Variants in AGAP1 observed in about 807,000 individuals in gnomAD.
AGAP1 encodes the protein arf-GAP with GTPase, ANK repeat and PH domain-containing protein 1.
AGAP1 carries 29 observed loss-of-function variants against 105.3 expected under a neutral mutation model. That is an observed-to-expected ratio of 0.28 (90% CI 0.21 to 0.38). AGAP1 has a LOEUF of 0.38. AGAP1 is among the 10% of genes least tolerant of loss of function. The pLI is 1.00. For missense variants in AGAP1, 998 were observed against 1,165.1 expected (o/e 0.86, Z 2.09); for synonymous variants, 509 against 485.9 (o/e 1.05, Z -0.63).
intron 9 of AGAP1, among the ~76,000 whole-genome samples, chr2:235,833,859 T>TG (rs1959776132): frequency 6.6e-6 from 1 of 151,308 alleles, no homozygotes; most frequent in African/African-American, 2.4e-5. Context: ...AATCTGGTTT[T>TG]TTTTTTTTTT....
chr2:235,868,503 C>T (rs754083099), intron 9 of AGAP1, among the ~76,000 whole-genome samples: 1 of 152,156 alleles, frequency 6.6e-6, no homozygotes, highest in Non-Finnish European at 1.5e-5. Context: ...GACTGTTGCT[C>T]CATCACCCCG....
rs939599425 is a variant in AGAP1, at chr2:235,729,958, T to C, written c.311-11005T>C. Reference sequence around the variant, plus strand: ...TTACACAGGCAGTTCGCCAGCCCCCTACCCTACAGTATGGAAAAAAGGCAT... The same window carrying C: ...TTACACAGGCAGTTCGCCAGCCCCCCACCCTACAGTATGGAAAAAAGGCAT... On this transcript the variant is annotated intron_variant, in intron 3 of 17. Transcript: ENST00000304032. The surrounding 1 kb of genome is among the most constrained non-coding windows in gnomAD (Gnocchi z 5.0). Among the ~76,000 whole-genome samples the C allele has an allele frequency of 2.0e-5, 3 of 152,056 alleles. No homozygotes were observed. The highest frequency in any genetic ancestry group is 7.3e-5 in the African/African-American group (3 of 41,372).
intron 13 of AGAP1, among the ~76,000 whole-genome samples, chr2:235,996,415 C>T (rs1417471374): frequency 6.6e-6 from 1 of 152,218 alleles, no homozygotes; most frequent in African/African-American, 2.4e-5. Flanking sequence ...TTAAGTTGTG[C>T]TGTAGTTAAG....
At position 235,992,145 on chromosome 2, in the gene AGAP1, G is replaced by A. The variant is rs983555648; in HGVS notation, c.1645+23522G>A. On this transcript the variant is annotated intron_variant, in intron 13 of 17. Coordinates refer to ENST00000304032, the MANE Select transcript of AGAP1 (RefSeq NM_001037131.3). This position sits in a 1 kb window ranked among gnomAD's most constrained non-coding sequence, Gnocchi z 4.8. ...TAACAGGAGTGGTTAGAAGCGCAGC[G>A]GAGGAGCCTGTCTTCCTGGGTCCGA... Among the ~76,000 whole-genome samples, 5 of 152,156 alleles carry A rather than the reference G, an allele frequency of 3.3e-5. No individual in the cohort carries two copies. The highest frequency in any genetic ancestry group is 7.2e-5 in the African/African-American group (3 of 41,432).
At chr2:235,944,704 C>A (rs961959194) in intron 12 of AGAP1, among the ~76,000 whole-genome samples, 42 of 152,150 alleles carry the variant, frequency 2.8e-4, no homozygotes, top group Admixed American at 2.7e-3. Context: ...TTTGCCAGAG[C>A]CTTTATGGGG....
rs1351594085 is a variant in AGAP1 at position 235,596,611 on chromosome 2, T to C, written c.163+101762T>C. On this transcript the variant is annotated intron_variant, in intron 1 of 17. Coordinates refer to ENST00000304032, the MANE Select transcript of AGAP1 (RefSeq NM_001037131.3). The surrounding 1 kb of genome is among the most constrained non-coding windows in gnomAD (Gnocchi z 5.9). ...CCTGGTTGCAGGTGCTGTGTCATCG[T>C]ATGGCTGTATTTGAGGGGATTGTGT... Among the ~76,000 whole-genome samples, 2 of 152,204 alleles carry C rather than the reference T, an allele frequency of 1.3e-5. No homozygotes were observed. Among genetic ancestry groups the C allele is most frequent in the African/African-American group, 4.8e-5 (2 of 41,454 alleles).
At position 236,000,920 on chromosome 2, in the gene AGAP1, G is replaced by A. The variant is rs913917807; in HGVS notation, c.1645+32297G>A. Among the ~76,000 whole-genome samples the A allele has an allele frequency of 2.0e-5, 3 of 152,184 alleles. No individual in the cohort carries two copies. The highest frequency in any genetic ancestry group is 1.9e-4 in the East Asian group (1 of 5,174). On this transcript the variant is annotated intron_variant, in intron 13 of 17. Transcript: ENST00000304032. The surrounding 1 kb of genome is among the most constrained non-coding windows in gnomAD (Gnocchi z 4.3). ...GCCAAGCGAGGGAGGCAGATGCCGCGTGGCGTGAGGAGGGTGAGAGTCCAT... is the reference window on the plus strand; with the variant it reads ...GCCAAGCGAGGGAGGCAGATGCCGCATGGCGTGAGGAGGGTGAGAGTCCAT...
At chr2:235,969,474 G>A (rs1192518686) in intron 13 of AGAP1, among the ~76,000 whole-genome samples, 1 of 152,188 alleles carries the variant, frequency 6.6e-6, no homozygotes, top group African/African-American at 2.4e-5. Context: ...TTACCTGTGA[G>A]ACCGACATGG....
chr2:236,013,024 G>A (rs900193485), intron 13 of AGAP1, among the ~76,000 whole-genome samples: 20 of 152,278 alleles, frequency 1.3e-4, no homozygotes, highest in African/African-American at 4.8e-4. Flanking sequence ...TGGGATTACA[G>A]ACGTGAGGAC....
intron 3 of AGAP1, among the ~76,000 whole-genome samples, chr2:235,731,602 A>T (rs1951950341): frequency 6.6e-6 from 1 of 152,158 alleles, no homozygotes; most frequent in Admixed American, 6.5e-5. Context: ...CTGTTCATTG[A>T]ATTAGCGTTT....
chr2:235,505,774 G>A (rs916583658), intron 1 of AGAP1: 3 of 152,068 alleles, frequency 2.0e-5, no homozygotes, highest in African/African-American at 7.2e-5. Flanking sequence ...ATCCAGAACA[G>A]AGTCACTTCA....
intron 1 of AGAP1, among the ~76,000 whole-genome samples, chr2:235,634,191 A>T (rs1946919273): frequency 6.6e-6 from 1 of 152,196 alleles, no homozygotes; most frequent in South Asian, 2.1e-4. Flanking sequence ...TCAAGTCCTG[A>T]TGATAAATTA....
chr2:235,970,174 C>T lies in AGAP1; in HGVS notation c.1645+1551C>T, dbSNP rs2054581564. 6.8e-6 allele frequency among the ~76,000 whole-genome samples: 1 copy of T among 147,894 alleles called. No individual in the cohort carries two copies. The highest frequency in any genetic ancestry group is 1.5e-5 in the Non-Finnish European group (1 of 67,520). On this transcript the variant is annotated intron_variant, in intron 13 of 17. Transcript: ENST00000304032. The surrounding 1 kb of genome is among the most constrained non-coding windows in gnomAD (Gnocchi z 5.4). Reference sequence around the variant, plus strand: ...CCGAGACCATGCCACTGCACTCCAGCCTGGGCGGGCGACAGAGTGAGACTC... The same window carrying T: ...CCGAGACCATGCCACTGCACTCCAGTCTGGGCGGGCGACAGAGTGAGACTC...
chr2:235,817,381 T>G (rs1311149431), intron 9 of AGAP1, among the ~76,000 whole-genome samples: 1 of 152,016 alleles, frequency 6.6e-6, no homozygotes, highest in African/African-American at 2.4e-5. Flanking sequence ...TTGAGGCTTT[T>G]CAGGAAAGTC....
chr2:235,538,633 G>A (rs755662827), intron 1 of AGAP1, among the ~76,000 whole-genome samples: 142 of 152,180 alleles, frequency 9.3e-4, no homozygotes, highest in Non-Finnish European at 1.7e-3. Context: ...CCGCCACGGA[G>A]ACTGCTTACC....
chr2:235,704,969 C>CTTTTTTTTTTTTTTTTT (rs969370505), intron 1 of AGAP1, among the ~76,000 whole-genome samples: 1 of 59,696 alleles, frequency 1.7e-5, no homozygotes, highest in Admixed American at 2.0e-4. Context: ...ATGCTTTTTT[C>CTTTTTTTTTTTTTTTTT]TTTTTTTTTT....
At chr2:235,537,859 GCATTAAGTCAGCCA>G (rs1943292945) in intron 1 of AGAP1, among the ~76,000 whole-genome samples, 1 of 152,054 alleles carries the variant, frequency 6.6e-6, no homozygotes, top group African/African-American at 2.4e-5. Flanking sequence ...TTTCTGCACG[GCATTAAGTCAGCCA>G]CATTTTAGAT....
chr2:235,717,751 A>G, intron 3 of AGAP1, 107 bp downstream of exon 3: 1 of 951,110 alleles, frequency 1.1e-6, no homozygotes, highest in Admixed American at 3.1e-5. Context: ...CAAGAAAGCA[A>G]TAAAACATAC....
intron 9 of AGAP1, among the ~76,000 whole-genome samples, chr2:235,816,370 G>A (rs1272814009): frequency 2.6e-5 from 4 of 151,490 alleles, no homozygotes; most frequent in Admixed American, 1.3e-4. Flanking sequence ...CCCGGGAGGC[G>A]GAGGTTGCAG....
Sources: allele counts gnomAD v4.1 joint callset (sites outside exome capture counted in the v4.1 genomes callset), GRCh38; gene constraint gnomAD v4.1.1; non-coding constraint Gnocchi (gnomAD v3.1); transcripts MANE v1.5; gene names NCBI Gene and HGNC (gene_info 2026-07-23, HGNC 2026-07-21).